TRPM3: variants seen among roughly 807,000 people sequenced by gnomAD.
TRPM3 encodes the protein transient receptor potential cation channel subfamily M member 3, also known as long transient receptor potential channel 3.
A neutral mutation model predicts 181.2 loss-of-function variants in TRPM3; 77 were observed. That is an observed-to-expected ratio of 0.42 (90% CI 0.35 to 0.51). TRPM3 has a LOEUF of 0.51. Ranked by LOEUF, TRPM3 falls within the 20% of genes least tolerant of loss-of-function variation. The pLI is 0.01. For synonymous variants in TRPM3, 745 were observed against 796.4 expected (o/e 0.94, Z 1.09); for missense variants, 1,759 against 2,196.7 (o/e 0.80, Z 3.98).
At chr9:70,646,610 C>A (rs2058888933) in intron 9 of TRPM3, among the ~76,000 whole-genome samples, 2 of 151,988 alleles carry the variant, frequency 1.3e-5, no homozygotes, top group African/African-American at 4.8e-5. Flanking sequence ...GGAGAAATAT[C>A]TAATGTAGAC....
chr9:70,937,910 C>A (rs2096845168), intron 1 of TRPM3, among the ~76,000 whole-genome samples: 1 of 152,186 alleles, frequency 6.6e-6, no homozygotes, highest in South Asian at 2.1e-4. Context: ...AAATTTAATA[C>A]AATTCTGAAT....
rs2131563760 is a variant in TRPM3 at position 70,535,202 on chromosome 9, T to C, written c.*751A>G. On this transcript the variant is annotated 3_prime_UTR_variant, in exon 26 of 26. Coordinates refer to ENST00000677713, the MANE Select transcript of TRPM3 (RefSeq NM_001366145.2). ...CTGTATATAATAAATCACTTGACTT[T>C]TGTTTTTTTAACATCAACTCTTCTT... 1.8e-6 allele frequency: 1 copy of C among 563,220 alleles called. No homozygotes were observed. Among genetic ancestry groups the C allele is most frequent in the South Asian group, 2.7e-5 (1 of 37,380 alleles). 34.9% of individuals were successfully genotyped at this position (563,220 alleles called of 1,614,324 possible). A position where few individuals can be genotyped will look rare whatever the true frequency, so the allele number is the denominator to read the frequency against.
chr9:70,589,931 G>A (rs1308301184), intron 22 of TRPM3, among the ~76,000 whole-genome samples: 2 of 152,102 alleles, frequency 1.3e-5, no homozygotes, highest in Non-Finnish European at 2.9e-5. Flanking sequence ...AGTCCTACCG[G>A]GGATGGGCAG....
At chr9:70,917,862 T>TA (rs1346626480) in intron 1 of TRPM3, among the ~76,000 whole-genome samples, 5 of 149,730 alleles carry the variant, frequency 3.3e-5, no homozygotes, top group South Asian at 2.1e-4. Context: ...ACTCAATGGA[T>TA]AAAAAAAACA....
At chr9:70,628,283 G>C (rs1264115225) in intron 12 of TRPM3, among the ~76,000 whole-genome samples, 1 of 152,198 alleles carries the variant, frequency 6.6e-6, no homozygotes, top group Non-Finnish European at 1.5e-5. Context: ...TTCCCTGGCA[G>C]GGTGAGGAGG....
chr9:71,091,097 A>T (rs1218078992), intron 1 of TRPM3, among the ~76,000 whole-genome samples: 1 of 152,062 alleles, frequency 6.6e-6, no homozygotes, highest in Non-Finnish European at 1.5e-5. Flanking sequence ...CTACCTTTGG[A>T]CTTTGGCTTG....
intron 1 of TRPM3, among the ~76,000 whole-genome samples, chr9:71,209,702 G>T (rs941441317): frequency 6.6e-6 from 1 of 152,302 alleles, no homozygotes; most frequent in East Asian, 1.9e-4. Flanking sequence ...TCTGGTCCAT[G>T]AGCTAAGAAT....
At chr9:70,899,532 T>C (rs772317690) in intron 1 of TRPM3, among the ~76,000 whole-genome samples, 12 of 152,206 alleles carry the variant, frequency 7.9e-5, no homozygotes, top group Non-Finnish European at 1.8e-4. Context: ...TGTTTTTTCT[T>C]GTGCTGCTTC....
chr9:70,686,993 G>GT (rs1371241952), intron 8 of TRPM3, among the ~76,000 whole-genome samples: 1 of 151,460 alleles, frequency 6.6e-6, no homozygotes, highest in Non-Finnish European at 1.5e-5. Context: ...GCTAATTTTT[G>GT]TATGTTTTTT....
chr9:71,261,073 T>C (rs892394181), intron 1 of TRPM3, among the ~76,000 whole-genome samples: 8 of 152,208 alleles, frequency 5.3e-5, no homozygotes, highest in Admixed American at 3.3e-4. Flanking sequence ...GGGGAAGTTC[T>C]CCTGGATAAT....
intron 6 of TRPM3, among the ~76,000 whole-genome samples, chr9:70,812,224 T>C (rs2092166678): frequency 6.6e-6 from 1 of 152,210 alleles, no homozygotes; most frequent in African/African-American, 2.4e-5. Flanking sequence ...AGGATCAAGC[T>C]AGACTTTGAG....
intron 1 of TRPM3, among the ~76,000 whole-genome samples, chr9:71,285,133 A>C (rs1267565935): frequency 6.6e-6 from 1 of 152,198 alleles, no homozygotes; most frequent in Non-Finnish European, 1.5e-5. Flanking sequence ...TGTTTTTGTA[A>C]CACTTACCTA....
At chr9:71,412,114 C>G (rs1261900672) in intron 1 of TRPM3, among the ~76,000 whole-genome samples, 1 of 152,188 alleles carries the variant, frequency 6.6e-6, no homozygotes, top group East Asian at 1.9e-4. Context: ...GGATTAAAGA[C>G]TTAAATGTTA....
At chr9:70,770,435 T>C (rs1449346465) in intron 7 of TRPM3, among the ~76,000 whole-genome samples, 1 of 152,216 alleles carries the variant, frequency 6.6e-6, no homozygotes, top group Non-Finnish European at 1.5e-5. Flanking sequence ...CTCACTTAGA[T>C]GTTGGTGGTT....
At chr9:70,574,188 T>A (rs2053304088) in intron 22 of TRPM3, among the ~76,000 whole-genome samples, 1 of 152,134 alleles carries the variant, frequency 6.6e-6, no homozygotes, top group African/African-American at 2.4e-5. Context: ...ACTTCTTAGT[T>A]TTCCCAGTGA....
intron 24 of TRPM3, 145 bp downstream of exon 24, chr9:70,552,699 C>T: frequency 2.5e-6 from 2 of 808,796 alleles, no homozygotes; most frequent in South Asian, 3.1e-5. Context: ...CTCCCTCATC[C>T]CCCAATGCTC....
At chr9:70,844,995 C>A (rs2094892969) in intron 4 of TRPM3, among the ~76,000 whole-genome samples, 1 of 152,130 alleles carries the variant, frequency 6.6e-6, no homozygotes, top group African/African-American at 2.4e-5. Flanking sequence ...TATTTGATTA[C>A]TACAGGATAA....
At chr9:70,876,012 GAT>G (rs1327807494) in intron 1 of TRPM3, among the ~76,000 whole-genome samples, 7 of 151,846 alleles carry the variant, frequency 4.6e-5, no homozygotes, top group Non-Finnish European at 7.4e-5. Flanking sequence ...TGCAGATTTA[GAT>G]CCTCAACTGC....
At chr9:71,219,135 C>T (rs955762638) in intron 1 of TRPM3, among the ~76,000 whole-genome samples, 1 of 151,762 alleles carries the variant, frequency 6.6e-6, no homozygotes, top group South Asian at 2.1e-4. Flanking sequence ...ATTTCCATTT[C>T]TTTGCAGTGG....
Sources: allele counts gnomAD v4.1 joint callset (sites outside exome capture counted in the v4.1 genomes callset), GRCh38; gene constraint gnomAD v4.1.1; transcripts MANE v1.5; gene names NCBI Gene and HGNC (gene_info 2026-07-23, HGNC 2026-07-21).